Variants in ADGRL2 observed in about 807,000 individuals in gnomAD.
ADGRL2 encodes the protein adhesion G protein-coupled receptor L2.
A neutral mutation model predicts 157.4 loss-of-function variants in ADGRL2; 44 were observed. The observed-to-expected ratio is 0.28, with a 90% confidence interval of 0.22 to 0.36. The LOEUF (loss-of-function observed/expected upper bound fraction) is 0.36. ADGRL2 is among the 10% of genes least tolerant of loss of function. ADGRL2 has a pLI of 1.00. For synonymous variants in ADGRL2, 585 were observed against 624.7 expected, an observed-to-expected ratio of 0.94 and a Z score of 0.95; for missense variants, 1,510 against 1,768.9, an observed-to-expected ratio of 0.85 and a Z score of 2.63.
chr1:81,497,107 C>T (rs2147988718), intron 2 of ADGRL2, among the ~76,000 whole-genome samples: 1 of 152,266 alleles, frequency 6.6e-6, no homozygotes, highest in African/African-American at 2.4e-5. Flanking sequence ...TATATAGGTT[C>T]CTCCTGAATG....
At chr1:81,350,188 T>A (rs1662781555) in intron 1 of ADGRL2, among the ~76,000 whole-genome samples, 1 of 152,172 alleles carries the variant, frequency 6.6e-6, no homozygotes, top group Admixed American at 6.5e-5. Flanking sequence ...ATATGATAAA[T>A]AACTAGCTTT....
intron 2 of ADGRL2, among the ~76,000 whole-genome samples, chr1:81,534,490 C>T (rs1301829870): frequency 6.6e-6 from 1 of 152,212 alleles, no homozygotes; most frequent in Non-Finnish European, 1.5e-5. Context: ...GAAGAAAATA[C>T]ATTTTATCTA....
chr1:81,963,056 T>C (rs1043329606), intron 11 of ADGRL2, among the ~76,000 whole-genome samples: 1 of 152,118 alleles, frequency 6.6e-6, no homozygotes, highest in African/African-American at 2.4e-5. Flanking sequence ...AATAACAGCA[T>C]TATGTAATTC....
intron 19 of ADGRL2, among the ~76,000 whole-genome samples, chr1:81,982,723 G>A (rs952883604): frequency 1.3e-5 from 2 of 151,906 alleles, no homozygotes; most frequent in Admixed American, 6.6e-5. Context: ...CTGACAAGAC[G>A]ATAGTGTTGT....
intron 1 of ADGRL2, among the ~76,000 whole-genome samples, chr1:81,813,516 C>T (rs1177928095): frequency 6.6e-6 from 1 of 151,542 alleles, no homozygotes; most frequent in East Asian, 1.9e-4. Flanking sequence ...GTAGTATTCT[C>T]TCAGCGTGGC....
At chr1:81,500,398 C>G (rs758438746) in intron 2 of ADGRL2, among the ~76,000 whole-genome samples, 4 of 152,102 alleles carry the variant, frequency 2.6e-5, no homozygotes, top group Non-Finnish European at 5.9e-5. Context: ...GTGGAAGTAA[C>G]CCAAATGTTC....
At chr1:81,629,070 T>A (rs10493698) in intron 3 of ADGRL2, among the ~76,000 whole-genome samples, 19,197 of 152,198 alleles carry the variant, frequency 0.13, 1,668 homozygotes, top group Non-Finnish European at 0.18. Flanking sequence ...GAATTTATAG[T>A]GCAAGAGTGA....
intron 6 of ADGRL2, among the ~76,000 whole-genome samples, chr1:81,945,155 A>C (rs757952224): frequency 3.9e-5 from 6 of 152,042 alleles, no homozygotes; most frequent in Non-Finnish European, 5.9e-5. Context: ...TTTATTTAAA[A>C]ATGTATACAT....
chr1:81,724,987 C>T (rs1455747097), intron 1 of ADGRL2, among the ~76,000 whole-genome samples: 2 of 151,842 alleles, frequency 1.3e-5, no homozygotes, highest in African/African-American at 4.8e-5. Flanking sequence ...AGGTGGATCA[C>T]AAGGTCAGGA....
At chr1:81,879,727 A>G (rs2093937431) in intron 2 of ADGRL2, among the ~76,000 whole-genome samples, 1 of 152,054 alleles carries the variant, frequency 6.6e-6, no homozygotes, top group Non-Finnish European at 1.5e-5. Context: ...AATATGTTGT[A>G]TGGGCTTGGT....
chr1:81,434,414 A>T (rs2077374543), intron 1 of ADGRL2, among the ~76,000 whole-genome samples: 1 of 151,280 alleles, frequency 6.6e-6, no homozygotes, highest in Admixed American at 6.6e-5. Context: ...GTCTCTCGGT[A>T]TGTGTTTATT....
intron 1 of ADGRL2, among the ~76,000 whole-genome samples, chr1:81,802,958 G>A: frequency 6.6e-6 from 1 of 152,074 alleles, no homozygotes; most frequent in East Asian, 1.9e-4. Context: ...GGGCGGCCTC[G>A]TGGGTCGGGA....
chr1:81,856,642 A>G (rs1324966807), intron 2 of ADGRL2, among the ~76,000 whole-genome samples: 1 of 152,188 alleles, frequency 6.6e-6, no homozygotes, highest in Non-Finnish European at 1.5e-5. Context: ...TCAGGAGTCA[A>G]GGTGGATCAA....
intron 1 of ADGRL2, among the ~76,000 whole-genome samples, chr1:81,432,051 C>T: frequency 6.6e-6 from 1 of 152,150 alleles, no homozygotes; most frequent in East Asian, 1.9e-4. Flanking sequence ...TGTTCTTCAA[C>T]AAATAATTTA....
rs770418448 is a variant in ADGRL2 at position 81,907,008 on chromosome 1, T to C, written c.74-9T>C. On this transcript the variant is annotated splice_polypyrimidine_tract_variant and intron_variant, in intron 2 of 23. Coordinates refer to ENST00000686636, the MANE Select transcript of ADGRL2 (RefSeq NM_001366006.2). ...TTACAGTTTAATTTTCTTTCTTTTT[T>C]ATTTTAAGGTTTCAGCAGAGCAGCT... The C allele has an allele frequency of 6.2e-7, 1 of 1,604,006 alleles. No individual in the cohort carries two copies. Among genetic ancestry groups the C allele is most frequent in the Non-Finnish European group, 8.5e-7 (1 of 1,172,406 alleles).
At chr1:81,462,361 C>A (rs146066555) in intron 2 of ADGRL2, among the ~76,000 whole-genome samples, 1 of 152,252 alleles carries the variant, frequency 6.6e-6, no homozygotes, top group African/African-American at 2.4e-5. Context: ...ATAAATCTTG[C>A]TGCTACTCAG....
intron 2 of ADGRL2, among the ~76,000 whole-genome samples, chr1:81,539,393 C>T (rs1429462076): frequency 1.3e-5 from 2 of 152,176 alleles, no homozygotes. Context: ...ATGTTAGCAT[C>T]TGGTCTCACT....
intron 1 of ADGRL2, among the ~76,000 whole-genome samples, chr1:81,734,002 C>T (rs1016850389): frequency 1.1e-4 from 17 of 152,210 alleles, no homozygotes; most frequent in East Asian, 1.9e-4. Context: ...AAAGGCTGGG[C>T]GCAGTGGCTC....
chr1:81,990,704 C>T lies in ADGRL2; in HGVS notation c.3969C>T (p.Asn1323=), dbSNP rs776858562. The T allele has an allele frequency of 2.5e-6, 4 of 1,614,074 alleles. No individual in the cohort carries two copies. Among genetic ancestry groups the T allele is most frequent in the Non-Finnish European group, 3.4e-6 (4 of 1,179,988 alleles). The change falls in exon 24 of 24, where the codon AAC becomes AAT. Residue 1323 remains asparagine (N), a synonymous_variant. Coordinates refer to ENST00000686636, the MANE Select transcript of ADGRL2 (RefSeq NM_001366006.2). ...CTTCATCTTTAATGCACAGCGACAACCCAGGGCTGGAGCTCCATCACAAAG... is the reference window on the plus strand; with the variant it reads ...CTTCATCTTTAATGCACAGCGACAATCCAGGGCTGGAGCTCCATCACAAAG... ...ADASSLMHSD[N]PGLELHHKEL...
Sources: gnomAD v4.1 joint callset for allele counts (sites outside exome capture counted in the v4.1 genomes callset) on GRCh38, gnomAD v4.1.1 for gene constraint, MANE v1.5 for transcripts, NCBI Gene and HGNC (gene_info 2026-07-23, HGNC 2026-07-21) for gene names.